LZTS1: variants seen among roughly 807,000 people sequenced by gnomAD.
The protein encoded by LZTS1 is leucine zipper putative tumor suppressor 1.
A neutral mutation model predicts 45.8 loss-of-function variants in LZTS1; 31 were observed. The observed-to-expected ratio is 0.68, with a 90% CI of 0.51 to 0.91. LZTS1 has a LOEUF of 0.91. Ranked by LOEUF, LZTS1 falls within the 40% of genes least tolerant of loss-of-function variation. LZTS1 has a pLI of 0.00. For missense variants in LZTS1, 821 were observed against 788.9 expected (o/e 1.04, Z -0.49); for synonymous variants, 359 against 357.3 (o/e 1.00, Z -0.05).
chr8:20,270,934 C>A (rs1241328964), intron 1 of LZTS1, among the ~76,000 whole-genome samples: 1 of 151,930 alleles, frequency 6.6e-6, no homozygotes, highest in East Asian at 1.9e-4. Context: ...GAAGCCCCAG[C>A]AGGAAGCACA....
intron 1 of LZTS1, among the ~76,000 whole-genome samples, chr8:20,262,465 CGT>C (rs1289132896): frequency 1.3e-5 from 2 of 151,966 alleles, no homozygotes; most frequent in African/African-American, 4.8e-5. Context: ...CATGTGTGAA[CGT>C]GTGTGTGTAT....
chr8:20,267,302 T>C (rs1023947379), intron 1 of LZTS1, among the ~76,000 whole-genome samples: 2 of 151,650 alleles, frequency 1.3e-5, no homozygotes, highest in Non-Finnish European at 2.9e-5. Context: ...CTGGTCTCCA[T>C]GTTGGGGGCT....
intron 1 of LZTS1, among the ~76,000 whole-genome samples, chr8:20,257,467 G>A (rs902906257): frequency 6.6e-5 from 10 of 152,150 alleles, no homozygotes; most frequent in Admixed American, 1.3e-4. Flanking sequence ...AGCAGTTTTG[G>A]AGGAATGGTG....
At position 20,247,759 on chromosome 8, in the gene LZTS1, G is replaced by C. The variant is rs7812424; in HGVS notation, c.*1963C>G. 0.048 allele frequency: 7,386 copies of C among 152,554 alleles called. 302 individuals are homozygous for C. The highest frequency in any genetic ancestry group is 0.11 in the African/African-American group (4,582 of 41,540). The allele number at this position is 152,554 out of a possible 1,614,324, so 9.5% of individuals were successfully genotyped here. ...TAGGACCCATGAGGGCGGGGGGCAA[G>C]GAGAGAAGCATCTCCCCACCCCTAC... On this transcript the variant is annotated 3_prime_UTR_variant, in exon 4 of 4. Transcript: ENST00000381569.
At chr8:20,302,978 C>T (rs1801107134) in intron 1 of LZTS1, among the ~76,000 whole-genome samples, 1 of 152,040 alleles carries the variant, frequency 6.6e-6, no homozygotes, top group Non-Finnish European at 1.5e-5. Flanking sequence ...ACCTCTGAAG[C>T]CCCTCCAGCC....
chr8:20,259,186 G>A (rs903674475), intron 1 of LZTS1, among the ~76,000 whole-genome samples: 4 of 152,118 alleles, frequency 2.6e-5, no homozygotes, highest in African/African-American at 9.7e-5. Context: ...ATCGGCAGGA[G>A]TTTGATTTGA....
At position 20,303,755 on chromosome 8, in the gene LZTS1, C is replaced by G. The variant is rs1801123785; in HGVS notation, c.-150G>C. 1.0e-6 allele frequency: 1 copy of G among 984,716 alleles called. No homozygotes were observed. Among genetic ancestry groups the G allele is most frequent in the Non-Finnish European group, 1.2e-6 (1 of 830,088 alleles). The allele number at this position is 984,716 out of a possible 1,614,324, so 61.0% of individuals were successfully genotyped here. A position where few individuals can be genotyped will look rare whatever the true frequency, so the allele number is the denominator to read the frequency against. On this transcript the variant is annotated 5_prime_UTR_variant, in exon 1 of 4. Coordinates refer to ENST00000381569, the MANE Select transcript of LZTS1 (RefSeq NM_021020.5). Reference sequence around the variant, plus strand: ...CGCACCTTACCTGCCCCCTGCGCCTCGGGCGCACTTGAGACTTTTTTTTTT... The same window carrying G: ...CGCACCTTACCTGCCCCCTGCGCCTGGGGCGCACTTGAGACTTTTTTTTTT...
chr8:20,298,430 A>G (rs999475653), intron 1 of LZTS1, among the ~76,000 whole-genome samples: 1 of 152,148 alleles, frequency 6.6e-6, no homozygotes, highest in Non-Finnish European at 1.5e-5. Context: ...CTTCTCACAG[A>G]GTTGTTGTGA....
intron 1 of LZTS1, chr8:20,290,496 T>TC (rs1220975515): frequency 6.6e-6 from 1 of 152,288 alleles, no homozygotes; most frequent in Non-Finnish European, 1.5e-5. Context: ...GTATATGTGT[T>TC]CCTGGTAGGG....
At chr8:20,289,834 A>G (rs1312460522) in intron 1 of LZTS1, 4 of 152,222 alleles carry the variant, frequency 2.6e-5, no homozygotes, top group African/African-American at 9.7e-5. Flanking sequence ...AGCAAGGTCA[A>G]GTGGGAGTTT....
At position 20,250,081 on chromosome 8, in the gene LZTS1, G is replaced by A. The variant is rs780725312; in HGVS notation, c.1432C>T (p.Leu478=). The A allele has an allele frequency of 6.2e-7, 1 of 1,606,830 alleles. No individual in the cohort carries two copies. The highest frequency in any genetic ancestry group is 8.5e-7 in the Non-Finnish European group (1 of 1,179,292). The change falls in exon 4 of 4, where the codon CTG becomes TTG. Residue 478 remains leucine, a synonymous_variant. Coordinates refer to ENST00000381569, the MANE Select transcript of LZTS1 (RefSeq NM_021020.5). ...VNLLEQELQE[L]RAQAALARDM... The stretch of plus-strand genomic sequence containing the variant: ...CGGGCCAGGGCGGCCTGGGCCCGCA[G>A]CTCCTGCAGCTCCTGCTCCAGCAGG...
intron 1 of LZTS1, among the ~76,000 whole-genome samples, chr8:20,294,407 G>C (rs995143298): frequency 4.6e-5 from 7 of 152,224 alleles, no homozygotes; most frequent in Non-Finnish European, 1.0e-4. Context: ...GGCCAGCTGC[G>C]GGCCTGGCAA....
At chr8:20,287,660 C>T (rs1024374990) in intron 1 of LZTS1, among the ~76,000 whole-genome samples, 4 of 152,090 alleles carry the variant, frequency 2.6e-5, no homozygotes, top group African/African-American at 9.7e-5. Context: ...GGCATGGTGG[C>T]TCACGCCTAT....
At position 20,249,800 on chromosome 8, in the gene LZTS1, G is replaced by C. The variant is rs1041562037; in HGVS notation, c.1713C>G (p.Asp571Glu). The change falls in exon 4 of 4, where the codon GAC becomes GAG. Residue 571 changes from aspartate (D) to glutamate (E), a missense_variant. By Grantham distance (45) the Asp-to-Glu change is conservative. Coordinates refer to ENST00000381569, the MANE Select transcript of LZTS1 (RefSeq NM_021020.5). ...EKALQQLARG[D>E]SAGEPLEVDL... The stretch of plus-strand genomic sequence containing the variant: ...CAACCTCCAAGGGCTCCCCGGCGCT[G>C]TCCCCACGTGCCAGCTGCTGCAGGG... 2 of 1,613,966 alleles carry C rather than the reference G, an allele frequency of 1.2e-6. No individual in the cohort carries two copies. The highest frequency in any genetic ancestry group is 2.7e-5 in the African/African-American group (2 of 74,948).
chr8:20,288,987 G>GTTTTTT lies in LZTS1; in HGVS notation c.-135+14747_-135+14752dup, dbSNP rs59572169. Among the ~76,000 whole-genome samples, 22 of 119,682 alleles carry GTTTTTT rather than the reference G, an allele frequency of 1.8e-4. 2 individuals carry two copies. Among genetic ancestry groups the GTTTTTT allele is most frequent in the South Asian group, 5.9e-4 (2 of 3,380 alleles). The allele number at this position is 119,682 out of a possible 152,430, so 78.5% of individuals were successfully genotyped here. On this transcript the variant is annotated intron_variant, in intron 1 of 3. Transcript: ENST00000381569. ...ATTAAGAGCTTAAAAATAGCAGCTG[G>GTTTTTT]TTTTTTTTTTTTTTTTTTTTAGACA...
intron 1 of LZTS1, among the ~76,000 whole-genome samples, chr8:20,264,533 G>A (rs972053254): frequency 2.0e-5 from 3 of 152,188 alleles, no homozygotes; most frequent in African/African-American, 4.8e-5. Context: ...TGTTACCCTG[G>A]GGGAGGGGAG....
intron 1 of LZTS1, among the ~76,000 whole-genome samples, chr8:20,297,411 G>GTTTT (rs1337199298): frequency 2.0e-5 from 3 of 151,860 alleles, no homozygotes; most frequent in Admixed American, 1.3e-4. Context: ...TATTGTGTTT[G>GTTTT]TTTGTTTGTT....
Position 20,255,033 on chromosome 8 carries a change from G to GAGTCCTGGGAGAAGCCAA in LZTS1, c.131_148dup (p.Phe44_Asp49dup). On this transcript the variant is annotated inframe_insertion, in exon 2 of 4. Coordinates refer to ENST00000381569, the MANE Select transcript of LZTS1 (RefSeq NM_021020.5). ...TTTGGAGCTGGACTTGCCGTGACCG[G>GAGTCCTGGGAGAAGCCAA]AGTCCTGGGAGAAGCCAAACCTCAG... 1 of 1,614,218 alleles carries GAGTCCTGGGAGAAGCCAA rather than the reference G, an allele frequency of 6.2e-7. No individual in the cohort carries two copies. Among genetic ancestry groups the GAGTCCTGGGAGAAGCCAA allele is most frequent in the African/African-American group, 1.3e-5 (1 of 75,040 alleles).
chr8:20,271,461 A>T (rs1278098732), intron 1 of LZTS1, among the ~76,000 whole-genome samples: 1 of 152,068 alleles, frequency 6.6e-6, no homozygotes, highest in Non-Finnish European at 1.5e-5. Flanking sequence ...GTCTCCATGA[A>T]CCTTCCTGGT....
Sources: allele counts gnomAD v4.1 joint callset (sites outside exome capture counted in the v4.1 genomes callset), GRCh38; gene constraint gnomAD v4.1.1; transcripts MANE v1.5; gene names NCBI Gene and HGNC (gene_info 2026-07-23, HGNC 2026-07-21).